The following NR3C2 variants were observed in gnomAD, a reference collection of about 807,000 sequenced individuals.
NR3C2 encodes nuclear receptor subfamily 3 group C member 2.
In NR3C2, 15 loss-of-function variants were observed where a neutral mutation model predicts 86.4. That is an observed-to-expected ratio of 0.17 (90% CI 0.12 to 0.27). The LOEUF (loss-of-function observed/expected upper bound fraction) is 0.27. Ranked by LOEUF, NR3C2 falls within the 10% of genes least tolerant of loss-of-function variation. The pLI is 1.00. For missense variants in NR3C2, 960 were observed against 1,195.6 expected (o/e 0.80, Z 2.91); for synonymous variants, 458 against 450.5 (o/e 1.02, Z -0.21).
intron 3 of NR3C2, among the ~76,000 whole-genome samples, chr4:148,225,164 T>G (rs565404261): frequency 2.0e-5 from 3 of 152,272 alleles, no homozygotes; most frequent in African/African-American, 7.2e-5. Flanking sequence ...TTAACTAGAA[T>G]GCAGTCTCTC....
chr4:148,356,606 A>G (rs1745560103), intron 2 of NR3C2, among the ~76,000 whole-genome samples: 2 of 152,118 alleles, frequency 1.3e-5, no homozygotes, highest in Non-Finnish European at 2.9e-5. Flanking sequence ...AACCATATAA[A>G]CCTATGAAAT....
At chr4:148,273,874 AG>A (rs1162930863) in intron 2 of NR3C2, among the ~76,000 whole-genome samples, 3 of 152,206 alleles carry the variant, frequency 2.0e-5, no homozygotes, top group Non-Finnish European at 2.9e-5. Flanking sequence ...CAGTGTGCAC[AG>A]GGGGGTCACG....
In NR3C2 at chr4:148,235,016, A is replaced by G. The variant is rs1738674811; in HGVS notation, c.1897+24962T>C. Among the ~76,000 whole-genome samples, 4 of 152,274 alleles carry G rather than the reference A, an allele frequency of 2.6e-5. No homozygotes were observed. In the South Asian group the frequency reaches 8.3e-4, roughly 32 times the overall value. On this transcript the variant is annotated intron_variant, in intron 3 of 8. Transcript: ENST00000358102. ...TGCTGTTTTATTATGTCATGAAAAT[A>G]TTCAAAAGAGCTTTGGAATGGTCAA...
rs991801751 is a variant in NR3C2 at position 148,268,900 on chromosome 4, T to A, written c.1758-8783A>T. Among the ~76,000 whole-genome samples, 6 of 144,872 alleles carry A rather than the reference T, an allele frequency of 4.1e-5. No homozygotes were observed. In the East Asian group the frequency reaches 1.2e-3, roughly 29 times the overall value. ...CAATTAAGTGACTGATTACAACTTT[T>A]AATATGCACAATAGAGACAATGAAT... On this transcript the variant is annotated intron_variant, in intron 2 of 8. Transcript: ENST00000358102.
intron 8 of NR3C2, among the ~76,000 whole-genome samples, chr4:148,103,696 C>T (rs10034839): frequency 1 from 152,279 of 152,318 alleles, 76,120 homozygotes; most frequent in Non-Finnish European, 1. Flanking sequence ...TAGGGGAGCT[C>T]CGAGAGATAC....
chr4:148,425,789 T>G (rs760463747), intron 2 of NR3C2, among the ~76,000 whole-genome samples: 1 of 152,164 alleles, frequency 6.6e-6, no homozygotes, highest in Non-Finnish European at 1.5e-5. Flanking sequence ...ATAGTCTGCT[T>G]TCTTCTTCTC....
intron 2 of NR3C2, among the ~76,000 whole-genome samples, chr4:148,264,251 A>G (rs963292011): frequency 6.6e-6 from 1 of 152,214 alleles, no homozygotes; most frequent in Non-Finnish European, 1.5e-5. Flanking sequence ...GGAAAACTCT[A>G]GTCTCTATTG....
intron 2 of NR3C2, among the ~76,000 whole-genome samples, chr4:148,391,952 G>A (rs975642079): frequency 6.3e-5 from 9 of 142,772 alleles, no homozygotes; most frequent in South Asian, 2.2e-4. Context: ...AAGTAATAAC[G>A]TAGTAAAAAA....
intron 4 of NR3C2, among the ~76,000 whole-genome samples, chr4:148,178,101 G>T (rs1018464331): frequency 6.6e-6 from 1 of 152,202 alleles, no homozygotes; most frequent in African/African-American, 2.4e-5. Context: ...ACTTTGAGAG[G>T]CCAAGGCGGG....
chr4:148,099,018 C>T (rs1731418640), intron 8 of NR3C2, among the ~76,000 whole-genome samples: 1 of 152,102 alleles, frequency 6.6e-6, no homozygotes, highest in Admixed American at 6.6e-5. Context: ...ACTGCTCCAC[C>T]CAAACTTTTT....
chr4:148,194,440 A>G (rs1736348011), intron 4 of NR3C2, among the ~76,000 whole-genome samples: 1 of 152,222 alleles, frequency 6.6e-6, no homozygotes, highest in African/African-American at 2.4e-5. Context: ...AAGAACTATT[A>G]GCTATGGGTT....
intron 2 of NR3C2, among the ~76,000 whole-genome samples, chr4:148,302,698 T>C (rs1272159097): frequency 6.6e-6 from 1 of 152,060 alleles, no homozygotes; most frequent in Non-Finnish European, 1.5e-5. Flanking sequence ...CATAGGGTCC[T>C]AACCTGTGGT....
intron 3 of NR3C2, among the ~76,000 whole-genome samples, chr4:148,223,245 T>G (rs2149829895): frequency 6.6e-6 from 1 of 152,246 alleles, no homozygotes; most frequent in African/African-American, 2.4e-5. Flanking sequence ...AATGCATTCT[T>G]TCTCCCCAGC....
intron 2 of NR3C2, among the ~76,000 whole-genome samples, chr4:148,272,353 G>A (rs1329555293): frequency 1.3e-5 from 2 of 152,130 alleles, no homozygotes; most frequent in Admixed American, 6.5e-5. Context: ...TTAACTCAAT[G>A]TAACATCTGT....
At chr4:148,185,717 A>G (rs1419793099) in intron 4 of NR3C2, among the ~76,000 whole-genome samples, 3 of 152,192 alleles carry the variant, frequency 2.0e-5, no homozygotes, top group African/African-American at 7.2e-5. Flanking sequence ...TTTCTAAAAT[A>G]GCATATTTTG....
At chr4:148,143,239 T>A (rs1733696419) in intron 6 of NR3C2, among the ~76,000 whole-genome samples, 1 of 152,184 alleles carries the variant, frequency 6.6e-6, no homozygotes, top group Non-Finnish European at 1.5e-5. Context: ...GGATCCTCAG[T>A]GCAGCAAAAG....
intron 8 of NR3C2, among the ~76,000 whole-genome samples, chr4:148,089,056 T>C (rs1201960141): frequency 1.3e-5 from 2 of 152,218 alleles, no homozygotes; most frequent in Non-Finnish European, 2.9e-5. Flanking sequence ...GGTGAACTTG[T>C]ATCTGTAACT....
intron 2 of NR3C2, among the ~76,000 whole-genome samples, chr4:148,386,037 C>G (rs1747247505): frequency 6.6e-6 from 1 of 152,186 alleles, no homozygotes; most frequent in Admixed American, 6.5e-5. Context: ...GGGGAGGACC[C>G]AAGGTGGTCC....
chr4:148,218,159 C>T (rs1048066512), intron 3 of NR3C2, among the ~76,000 whole-genome samples: 3 of 152,142 alleles, frequency 2.0e-5, no homozygotes, highest in Admixed American at 6.6e-5. Flanking sequence ...TGTGAATTTG[C>T]TATAAGTCTA....
Sources: gnomAD v4.1 joint callset for allele counts (sites outside exome capture counted in the v4.1 genomes callset) on GRCh38, gnomAD v4.1.1 for gene constraint, MANE v1.5 for transcripts, NCBI Gene and HGNC (gene_info 2026-07-23, HGNC 2026-07-21) for gene names.